Variants in SLC16A9 observed in about 807,000 individuals in gnomAD.
SLC16A9 encodes the protein solute carrier family 16 member 9.
Under a neutral mutation model 44.3 loss-of-function variants are expected in SLC16A9, and 26 were observed. The ratio of observed to expected loss-of-function variants is 0.59; its 90% confidence interval spans 0.43 to 0.81. The LOEUF is 0.81. Ranked by LOEUF, SLC16A9 falls within the 40% of genes least tolerant of loss-of-function variation. The pLI, the probability that SLC16A9 is intolerant of heterozygous loss-of-function variation, is 0.00. For missense variants in SLC16A9, 559 were observed against 595.8 expected (o/e 0.94, Z 0.64); for synonymous variants, 230 against 225.1 (o/e 1.02, Z -0.19).
chr10:59,693,363 A>C (rs1564710883), intron 1 of SLC16A9, among the ~76,000 whole-genome samples: 1 of 152,220 alleles, frequency 6.6e-6, no homozygotes, highest in Non-Finnish European at 1.5e-5. Flanking sequence ...ATGACGTTTC[A>C]AGATGTCAGT....
Position 59,653,707 on chromosome 10 carries a change from C to G in SLC16A9, c.1319G>C (p.Gly440Ala). 1 of 1,613,750 alleles carries G rather than the reference C, an allele frequency of 6.2e-7. No individual in the cohort carries two copies. Among genetic ancestry groups the G allele is most frequent in the Non-Finnish European group, 8.5e-7 (1 of 1,179,868 alleles). Residue 440 changes from glycine to alanine, a missense_variant, in exon 5 of 6, where the codon GGA becomes GCA. Physicochemically the swap from Gly to Ala is moderately conservative, Grantham distance 60. Coordinates refer to ENST00000395348, the MANE Select transcript of SLC16A9 (RefSeq NM_194298.3). The stretch of plus-strand genomic sequence containing the variant: ...GGGTGGTCCTAGGCTATTTCCAAGT[C>G]CAGCAAAGAACATTAATATCCCATA... The part of the protein sequence containing the change: ...HAYGILMFFA[G>A]LGNSLGPPIV...
At chr10:59,682,908 A>G (rs1840054596) in intron 2 of SLC16A9, among the ~76,000 whole-genome samples, 1 of 152,056 alleles carries the variant, frequency 6.6e-6, no homozygotes, top group Non-Finnish European at 1.5e-5. Context: ...ATATTTAATC[A>G]TCTTATCTGA....
chr10:59,706,579 A>G (rs368658588), intron 1 of SLC16A9, among the ~76,000 whole-genome samples: 1 of 151,316 alleles, frequency 6.6e-6, no homozygotes, highest in East Asian at 1.9e-4. Context: ...TAGCCAAGAT[A>G]TGGAATCAAC....
chr10:59,686,976 C>T lies in SLC16A9; in HGVS notation c.-36-2649G>A, dbSNP rs1271909200. Among the ~76,000 whole-genome samples the T allele has an allele frequency of 3.3e-5, 5 of 152,204 alleles. No individual in the cohort carries two copies. The South Asian group carries it at 8.3e-4, about 25-fold the overall frequency. On this transcript the variant is annotated intron_variant, in intron 1 of 5. Coordinates refer to ENST00000395348, the MANE Select transcript of SLC16A9 (RefSeq NM_194298.3). ...AGGCTGGAGTGCAATGGCACAATCT[C>T]GGCCCACAGCAACCTCCGCCTCCTA...
intron 2 of SLC16A9, 75 bp from the exon 3 acceptor site, chr10:59,672,988 C>T: frequency 1.4e-6 from 2 of 1,406,090 alleles, no homozygotes; most frequent in South Asian, 1.4e-5. Flanking sequence ...TTCTTTCCAC[C>T]ATAAAACAAC....
At chr10:59,672,993 A>C in intron 2 of SLC16A9, 80 bp from the exon 3 acceptor site, 1 of 1,384,562 alleles carries the variant, frequency 7.2e-7, no homozygotes, top group South Asian at 1.4e-5. Context: ...TCCACCATAA[A>C]ACAACAAAAA....
At chr10:59,691,737 A>G (rs897003121) in intron 1 of SLC16A9, among the ~76,000 whole-genome samples, 2 of 152,220 alleles carry the variant, frequency 1.3e-5, no homozygotes, top group Non-Finnish European at 2.9e-5. Flanking sequence ...TTTAAGTTCC[A>G]GCACCTTCGA....
rs149460197 is a variant in SLC16A9 at position 59,662,817 on chromosome 10, G to A, written c.436+1410C>T. Among the ~76,000 whole-genome samples, 73 of 152,148 alleles carry A rather than the reference G, an allele frequency of 4.8e-4. 1 individual carries two copies. The East Asian group carries it at 0.014, about 28-fold the overall frequency. The stretch of plus-strand genomic sequence containing the variant: ...GTCAGGAAACAACAGATGCTGGAGA[G>A]GATGTAGAGAAATAGGAATGCTTTT... On this transcript the variant is annotated intron_variant, in intron 4 of 5. Transcript: ENST00000395348.
chr10:59,699,229 T>C (rs1321461539), intron 1 of SLC16A9, among the ~76,000 whole-genome samples: 1 of 152,204 alleles, frequency 6.6e-6, no homozygotes, highest in Non-Finnish European at 1.5e-5. Context: ...CTGTCACCTA[T>C]TAATTTGCTC....
intron 4 of SLC16A9, among the ~76,000 whole-genome samples, chr10:59,663,635 C>A (rs941728044): frequency 6.6e-6 from 1 of 152,022 alleles, no homozygotes; most frequent in African/African-American, 2.4e-5. Context: ...GGAGGGATAG[C>A]ATTAGGAGAA....
At chr10:59,696,488 C>G (rs982519474) in intron 1 of SLC16A9, among the ~76,000 whole-genome samples, 25 of 152,302 alleles carry the variant, frequency 1.6e-4, no homozygotes, top group Non-Finnish European at 2.5e-4. Context: ...CCTTGGCCCC[C>G]CAAAGTGCCG....
In SLC16A9 at chr10:59,654,020, C is replaced by T. The variant is rs1280243324; in HGVS notation, c.1006G>A (p.Val336Met). The T allele has an allele frequency of 1.6e-5, 26 of 1,613,746 alleles. 1 individual carries two copies. Among genetic ancestry groups the T allele is most frequent in the South Asian group, 3.3e-5 (3 of 91,072 alleles). Reference sequence around the variant, plus strand: ...GGCATAATAAACTCTTCTTCTTTCACGTTTGAACTTCTTGCTACATCTTCC... The same window carrying T: ...GGCATAATAAACTCTTCTTCTTTCATGTTTGAACTTCTTGCTACATCTTCC... ...LMEDVARSSN[V>M]KEEEFIMPLI... Residue 336 changes from valine to methionine, a missense_variant, in exon 5 of 6, where the codon GTG (valine) becomes ATG (methionine). Physicochemically the swap from Val to Met is conservative, Grantham distance 21. Coordinates refer to ENST00000395348, the MANE Select transcript of SLC16A9 (RefSeq NM_194298.3).
intron 1 of SLC16A9, among the ~76,000 whole-genome samples, chr10:59,707,424 G>GT (rs1840669416): frequency 6.6e-6 from 1 of 151,190 alleles, no homozygotes; most frequent in Admixed American, 6.6e-5. Flanking sequence ...TTACCAGTAG[G>GT]TAGGGTTGGG....
chr10:59,707,321 AGG>A (rs1840664819), intron 1 of SLC16A9, among the ~76,000 whole-genome samples: 1 of 81,282 alleles, frequency 1.2e-5, no homozygotes, highest in East Asian at 5.7e-4. Flanking sequence ...AGGGAAGGGA[AGG>A]GAAGGGAAGG....
intron 3 of SLC16A9, among the ~76,000 whole-genome samples, chr10:59,669,876 C>T (rs1209269119): frequency 6.6e-6 from 1 of 152,078 alleles, no homozygotes; most frequent in Non-Finnish European, 1.5e-5. Flanking sequence ...GTATCAAGTT[C>T]CTCATTGCAA....
intron 2 of SLC16A9, among the ~76,000 whole-genome samples, chr10:59,680,087 G>C (rs965209087): frequency 6.6e-6 from 1 of 152,090 alleles, no homozygotes; most frequent in Admixed American, 6.5e-5. Flanking sequence ...GAGACCCTAG[G>C]AATATATGTA....
chr10:59,708,673 G>A (rs1840696281), intron 1 of SLC16A9: 1 of 152,240 alleles, frequency 6.6e-6, no homozygotes, highest in African/African-American at 2.4e-5. Context: ...GGATAGACTA[G>A]GCACCCAGAA....
At chr10:59,662,050 A>G (rs1839486918) in intron 4 of SLC16A9, among the ~76,000 whole-genome samples, 1 of 152,196 alleles carries the variant, frequency 6.6e-6, no homozygotes, top group South Asian at 2.1e-4. Context: ...AAACCAAGGC[A>G]ATACCATGCA....
intron 3 of SLC16A9, among the ~76,000 whole-genome samples, chr10:59,669,198 T>G (rs1371948758): frequency 2.0e-5 from 3 of 152,132 alleles, no homozygotes; most frequent in Non-Finnish European, 4.4e-5. Flanking sequence ...CAAAGAGAAA[T>G]TATTAGAAAG....
Sources: allele counts gnomAD v4.1 joint callset (sites outside exome capture counted in the v4.1 genomes callset), GRCh38; gene constraint gnomAD v4.1.1; transcripts MANE v1.5; gene names NCBI Gene and HGNC (gene_info 2026-07-23, HGNC 2026-07-21).